The following GRIN2D variants were observed in gnomAD, a reference collection of about 807,000 sequenced individuals.
The protein encoded by GRIN2D is glutamate receptor ionotropic, NMDA 2D.
GRIN2D carries 37 observed loss-of-function variants against 103.2 expected under a neutral mutation model. The ratio of observed to expected loss-of-function variants is 0.36; its 90% CI spans 0.28 to 0.47. The LOEUF is 0.47. Ranked by LOEUF, GRIN2D falls within the 20% of genes least tolerant of loss-of-function variation. GRIN2D has a pLI of 1.00. For synonymous variants in GRIN2D, 845 were observed against 885.6 expected (o/e 0.95, Z 0.81); for missense variants, 1,557 against 1,910.6 (o/e 0.81, Z 3.45).
intron 3 of GRIN2D, among the ~76,000 whole-genome samples, chr19:48,402,878 G>A (rs1290296497): frequency 2.0e-5 from 3 of 149,746 alleles, no homozygotes; most frequent in African/African-American, 7.4e-5. Flanking sequence ...AGACACCTTG[G>A]AAATCCAAGA....
At chr19:48,408,916 A>G (rs1041983404) in intron 4 of GRIN2D, among the ~76,000 whole-genome samples, 2 of 152,060 alleles carry the variant, frequency 1.3e-5, no homozygotes, top group Non-Finnish European at 1.5e-5. Context: ...GCAGGTGCAA[A>G]GGCTCTGGGG....
intron 8 of GRIN2D, among the ~76,000 whole-genome samples, chr19:48,416,514 G>A (rs1569064777): frequency 6.6e-6 from 1 of 152,134 alleles, no homozygotes; most frequent in South Asian, 2.1e-4. Flanking sequence ...CAAAACCCAA[G>A]TGTTTTCCTG....
chr19:48,419,847 G>C, intron 10 of GRIN2D, 33 bp downstream of exon 10: 1 of 1,485,080 alleles, frequency 6.7e-7, no homozygotes, highest in Non-Finnish European at 9.3e-7. Context: ...GCTGGAGCTG[G>C]GGCTGGGGCT....
chr19:48,419,660 C>T lies in GRIN2D; in HGVS notation c.1937C>T (p.Pro646Leu). The change falls in exon 10 of 14, where the codon CCC becomes CTC. Residue 646 changes from proline to leucine, a missense_variant. Physicochemically the swap from Pro to Leu is moderately conservative, Grantham distance 98. Coordinates refer to ENST00000263269, the MANE Select transcript of GRIN2D (RefSeq NM_000836.4). ...GCCCTGGTGTTCAATAATTCGGTGC[C>T]CGTGGAGAACCCCCGGGGAACCACC... Reference protein sequence around the residue: ...LWALVFNNSVPVENPRGTTSK... With the variant: ...LWALVFNNSVLVENPRGTTSK... 6.2e-7 allele frequency: 1 copy of T among 1,613,590 alleles called. No individual in the cohort carries two copies. The highest frequency in any genetic ancestry group is 1.1e-5 in the South Asian group (1 of 91,048).
chr19:48,443,507 A>C lies in GRIN2D; in HGVS notation c.3581A>C (p.His1194Pro). The C allele has an allele frequency of 1.5e-6, 2 of 1,353,174 alleles. No homozygotes were observed. Among genetic ancestry groups the C allele is most frequent in the South Asian group, 3.4e-5 (2 of 58,966 alleles). The allele number at this position is 1,353,174 out of a possible 1,614,324, so 83.8% of individuals were successfully genotyped here. ...ASLELLPPPR[H>P]LSCSHDGLDG... ...CTGGAGCTGCTGCCGCCGCCGCGCC[A>C]TCTCAGCTGCTCGCACGATGGCCTG... Residue 1194 changes from histidine (H) to proline (P), a missense_variant, in exon 14 of 14, where the codon CAT becomes CCT. Transcript: ENST00000263269. This position sits in a 1 kb window ranked among gnomAD's most constrained non-coding sequence, Gnocchi z 8.9.
rs1305452751 is a variant in GRIN2D at position 48,421,952 on chromosome 19, G to C, written c.2252+7G>C. ...TCACTCAGCTCAAGGCAGGGTCAGCGCAGACTCGGGCCGGGGGTGGGGGTT... is the reference window on the plus strand; with the variant it reads ...TCACTCAGCTCAAGGCAGGGTCAGCCCAGACTCGGGCCGGGGGTGGGGGTT... On this transcript the variant is annotated splice_region_variant and intron_variant, in intron 11 of 13. Coordinates refer to ENST00000263269, the MANE Select transcript of GRIN2D (RefSeq NM_000836.4). This position sits in a 1 kb window ranked among gnomAD's most constrained non-coding sequence, Gnocchi z 4.8. The C allele has an allele frequency of 1.2e-6, 2 of 1,612,906 alleles. No homozygotes were observed. Among genetic ancestry groups the C allele is most frequent in the Non-Finnish European group, 1.7e-6 (2 of 1,179,286 alleles).
rs964725459 is a variant in GRIN2D, at chr19:48,442,814, G to A, written c.2888G>A (p.Arg963His). ...GCGGGCCTGGCCGACGGCTTCCACCGCTACTACGGCCCCATCGAGCCGCAG... is the reference window on the plus strand; with the variant it reads ...GCGGGCCTGGCCGACGGCTTCCACCACTACTACGGCCCCATCGAGCCGCAG... ...GGAGLADGFH[R>H]YYGPIEPQGL... The change falls in exon 14 of 14, where the codon CGC becomes CAC. Residue 963 changes from arginine (R) to histidine (H), a missense_variant. Coordinates refer to ENST00000263269, the MANE Select transcript of GRIN2D (RefSeq NM_000836.4). The surrounding 1 kb of genome is among the most constrained non-coding windows in gnomAD (Gnocchi z 7.2). The A allele has an allele frequency of 4.5e-5, 48 of 1,067,112 alleles. No individual in the cohort carries two copies. The highest frequency in any genetic ancestry group is 4.3e-4 in the Middle Eastern group (1 of 2,316). The allele number at this position is 1,067,112 out of a possible 1,614,324, so 66.1% of individuals were successfully genotyped here. A position where few individuals can be genotyped will look rare whatever the true frequency, so the allele number is the denominator to read the frequency against.
chr19:48,409,713 T>G (rs990011240), intron 4 of GRIN2D, among the ~76,000 whole-genome samples: 3 of 152,082 alleles, frequency 2.0e-5, no homozygotes, highest in Non-Finnish European at 2.9e-5. Flanking sequence ...GAGTAGCGGA[T>G]GGAGAGGGTT....
Position 48,398,379 on chromosome 19 carries a change from G to A in GRIN2D, c.-14G>A. 1 of 1,120,064 alleles carries A rather than the reference G, an allele frequency of 8.9e-7. No homozygotes were observed. The highest frequency in any genetic ancestry group is 4.6e-5 in the East Asian group (1 of 21,812). The allele number at this position is 1,120,064 out of a possible 1,614,324, so 69.4% of individuals were successfully genotyped here. On this transcript the variant is annotated 5_prime_UTR_variant, in exon 3 of 14. Transcript: ENST00000263269. ...CCCGGGCGCTCAGAGGCCGCCCGGCGGGGCCCGCAGGCGATGCGCGGCGCC... is the reference window on the plus strand; with the variant it reads ...CCCGGGCGCTCAGAGGCCGCCCGGCAGGGCCCGCAGGCGATGCGCGGCGCC...
intron 11 of GRIN2D, among the ~76,000 whole-genome samples, chr19:48,432,200 G>A (rs1319341925): frequency 3.3e-5 from 5 of 151,316 alleles, no homozygotes; most frequent in African/African-American, 9.7e-5. Context: ...GTGAGCCACC[G>A]CACCCGGCCT....
intron 3 of GRIN2D, among the ~76,000 whole-genome samples, chr19:48,402,658 A>G (rs1326894221): frequency 2.9e-5 from 4 of 137,904 alleles, no homozygotes; most frequent in South Asian, 4.9e-4. Context: ...CGGAGCTTTC[A>G]GTGAGCCGAG....
chr19:48,427,789 T>C (rs1971105825), intron 11 of GRIN2D, among the ~76,000 whole-genome samples: 1 of 151,996 alleles, frequency 6.6e-6, no homozygotes, highest in South Asian at 2.1e-4. Context: ...TCTACTCCTG[T>C]ATCTTTTTAA....
rs2147475698 is a variant in GRIN2D at position 48,442,467 on chromosome 19, G to A, written c.2673+85G>A. On this transcript the variant is annotated intron_variant, in intron 13 of 13. Transcript: ENST00000263269. This position sits in a 1 kb window ranked among gnomAD's most constrained non-coding sequence, Gnocchi z 7.2. ...GCCGAGCAGAGACAAGGAGATGTGGGTCGAGATGTGGATAGTGGGGAAGAG... is the reference window on the plus strand; with the variant it reads ...GCCGAGCAGAGACAAGGAGATGTGGATCGAGATGTGGATAGTGGGGAAGAG... 1 of 1,537,854 alleles carries A rather than the reference G, an allele frequency of 6.5e-7. No homozygotes were observed. The highest frequency in any genetic ancestry group is 8.8e-7 in the Non-Finnish European group (1 of 1,136,798).
Position 48,441,781 on chromosome 19 carries a change from C to T in GRIN2D, c.2265C>T (p.Ala755=), listed in dbSNP as rs1357045487. ...LTQLKAGKLD[A]FIYDAAVLNY... is the part of the protein sequence containing the mutation. ...CCCCTCCCCCCAGGAAGCTGGACGC[C>T]TTCATCTACGATGCTGCAGTGCTCA... is the stretch of plus-strand genomic sequence containing the variant. Residue 755 remains alanine (A), a synonymous_variant, in exon 12 of 14, where the codon GCC becomes GCT. Transcript: ENST00000263269. The T allele has an allele frequency of 1.2e-6, 2 of 1,610,976 alleles. No individual in the cohort carries two copies. Among genetic ancestry groups the T allele is most frequent in the African/African-American group, 2.7e-5 (2 of 75,008 alleles).
intron 8 of GRIN2D, among the ~76,000 whole-genome samples, chr19:48,418,346 G>C (rs556280064): frequency 5.9e-5 from 9 of 152,186 alleles, no homozygotes; most frequent in Admixed American, 5.9e-4. Context: ...TGTGAGTTTT[G>C]AGTAAAGCAT....
Position 48,442,544 on chromosome 19 carries a change from C to T in GRIN2D, c.2674-56C>T. ...AGAGGAGAGAGGGACTGAGGGGAGG[C>T]GGGCAGGCGTCCTGGGCATCTCGCG... On this transcript the variant is annotated intron_variant, in intron 13 of 13. Coordinates refer to ENST00000263269, the MANE Select transcript of GRIN2D (RefSeq NM_000836.4). The surrounding 1 kb of genome is among the most constrained non-coding windows in gnomAD (Gnocchi z 7.2). The T allele has an allele frequency of 4.1e-6, 6 of 1,474,324 alleles. No individual in the cohort carries two copies. Among genetic ancestry groups the T allele is most frequent in the African/African-American group, 2.8e-5 (2 of 71,636 alleles). The allele number at this position is 1,474,324 out of a possible 1,614,324, so 91.3% of individuals were successfully genotyped here. A position where few individuals can be genotyped will look rare whatever the true frequency, so the allele number is the denominator to read the frequency against.
rs147783546 is a variant in GRIN2D at position 48,436,843 on chromosome 19, A to AG, written c.2253-4919dup. 1.1e-3 allele frequency among the ~76,000 whole-genome samples: 169 copies of AG among 151,988 alleles called. 2 individuals carry two copies. The highest frequency in any genetic ancestry group is 3.7e-3 in the African/African-American group (155 of 41,456). On this transcript the variant is annotated intron_variant, in intron 11 of 13. Transcript: ENST00000263269. ...CAGGTGCATCTCCCAGGCCAGAGTG[A>AG]GGGGGGGCTTGGGAGATGAGGGCAG...
intron 11 of GRIN2D, among the ~76,000 whole-genome samples, chr19:48,430,898 C>T (rs1410156904): frequency 2.0e-5 from 3 of 150,522 alleles, no homozygotes; most frequent in South Asian, 4.2e-4. Context: ...TGGCTCACTG[C>T]AGCCTCTGCC....
At chr19:48,415,903 C>A in intron 7 of GRIN2D, 99 bp from the exon 8 acceptor site, 1 of 1,070,940 alleles carries the variant, frequency 9.3e-7, no homozygotes, top group Non-Finnish European at 1.4e-6. Flanking sequence ...CTCACCCTGT[C>A]ACTGGTCTGC....
Sources: gnomAD v4.1 joint callset for allele counts (sites outside exome capture counted in the v4.1 genomes callset) on GRCh38, gnomAD v4.1.1 for gene constraint, Gnocchi (gnomAD v3.1) non-coding constraint, MANE v1.5 for transcripts, NCBI Gene and HGNC (gene_info 2026-07-23, HGNC 2026-07-21) for gene names.